Variants in LRRC7 observed in about 807,000 individuals in gnomAD.
LRRC7 encodes the protein leucine-rich repeat-containing protein 7.
A neutral mutation model predicts 175.7 loss-of-function variants in LRRC7; 23 were observed. The observed-to-expected ratio is 0.13, with a 90% CI of 0.09 to 0.19. LRRC7 has a LOEUF of 0.19. Among genes scored for constraint, LRRC7 ranks in the 10% least tolerant of loss-of-function variants. The pLI, the probability that LRRC7 is intolerant of heterozygous loss-of-function variation, is 1.00. For synonymous variants in LRRC7, 685 were observed against 680.9 expected, an observed-to-expected ratio of 1.01 and a Z score of -0.09; for missense variants, 1,354 against 1,904.7, an observed-to-expected ratio of 0.71 and a Z score of 5.38.
chr1:70,084,898 T>C (rs1344548458), intron 24 of LRRC7, among the ~76,000 whole-genome samples: 1 of 152,174 alleles, frequency 6.6e-6, no homozygotes, highest in Non-Finnish European at 1.5e-5. Context: ...TAATGACTAA[T>C]GATATTGAGT....
chr1:69,642,090 T>C (rs1654299392), intron 1 of LRRC7, among the ~76,000 whole-genome samples: 1 of 151,936 alleles, frequency 6.6e-6, no homozygotes, highest in African/African-American at 2.4e-5. Flanking sequence ...TTTTTGTAAT[T>C]TGAAAACCTT....
chr1:69,691,786 A>G, intron 2 of LRRC7, among the ~76,000 whole-genome samples: 1 of 126,650 alleles, frequency 7.9e-6, no homozygotes, highest in East Asian at 2.6e-4. Flanking sequence ...CAAAAGAGGG[A>G]GACCCTGTCT....
Position 70,132,981 on chromosome 1 carries a change from A to G in LRRC7, c.*11094A>G, listed in dbSNP as rs984815983. ...TTTCCCTCTGTAACCCACCCTTATA[A>G]AGCAACAAATTGTGTTTCATCTCAA... is the stretch of plus-strand genomic sequence containing the variant. On this transcript the variant is annotated 3_prime_UTR_variant, in exon 27 of 27. Transcript: ENST00000651989. 1.3e-5 allele frequency among the ~76,000 whole-genome samples: 2 copies of G among 152,206 alleles called. No individual in the cohort carries two copies. The highest frequency in any genetic ancestry group is 1.3e-4 in the Admixed American group (2 of 15,294).
At chr1:69,600,137 A>G (rs538707365) in intron 1 of LRRC7, among the ~76,000 whole-genome samples, 2 of 152,326 alleles carry the variant, frequency 1.3e-5, no homozygotes, top group East Asian at 3.9e-4. Context: ...CAAAGATATT[A>G]CAGGGTGTTC....
chr1:69,646,538 A>G (rs1040011665), intron 1 of LRRC7, among the ~76,000 whole-genome samples: 1 of 152,156 alleles, frequency 6.6e-6, no homozygotes, highest in Non-Finnish European at 1.5e-5. Flanking sequence ...GAAAGTCAAC[A>G]CTTCCTAATC....
In LRRC7 at chr1:70,130,848, G is replaced by T. The variant is rs1468486646; in HGVS notation, c.*8961G>T. ...ACGGAAGTGTAGTTGAGAGAAAGGG[G>T]TCTCCACCTACCTATTTAGCTCTAA... is the stretch of plus-strand genomic sequence containing the variant. On this transcript the variant is annotated 3_prime_UTR_variant, in exon 27 of 27. Coordinates refer to ENST00000651989, the MANE Select transcript of LRRC7 (RefSeq NM_001370785.2). 1.3e-5 allele frequency among the ~76,000 whole-genome samples: 2 copies of T among 152,122 alleles called. No individual in the cohort carries two copies. Among genetic ancestry groups the T allele is most frequent in the East Asian group, 3.9e-4 (2 of 5,180 alleles).
At chr1:69,709,344 G>A (rs1235158649) in intron 2 of LRRC7, among the ~76,000 whole-genome samples, 2 of 152,150 alleles carry the variant, frequency 1.3e-5, no homozygotes, top group Non-Finnish European at 2.9e-5. Context: ...GTCAGGCCTA[G>A]AAATATTTTT....
chr1:69,730,209 T>C lies in LRRC7; in HGVS notation c.101-29982T>C, dbSNP rs188471109. On this transcript the variant is annotated intron_variant, in intron 2 of 26. Transcript: ENST00000651989. Reference sequence around the variant, plus strand: ...CTGCCATGAGGGTCTCTGACATCCCTGGAGACATTTTCCCCATTGTCTTGG... The same window carrying C: ...CTGCCATGAGGGTCTCTGACATCCCCGGAGACATTTTCCCCATTGTCTTGG... Among the ~76,000 whole-genome samples the C allele has an allele frequency of 6.0e-4, 92 of 152,328 alleles. 2 individuals are homozygous for C. The East Asian group carries it at 0.016, about 27-fold the overall frequency.
intron 7 of LRRC7, among the ~76,000 whole-genome samples, chr1:69,855,406 G>T (rs1398052574): frequency 6.6e-6 from 1 of 152,126 alleles, no homozygotes; most frequent in African/African-American, 2.4e-5. Context: ...TCAGGAGCAG[G>T]TTGTTCAGTT....
intron 3 of LRRC7, among the ~76,000 whole-genome samples, chr1:69,774,144 C>T (rs963060409): frequency 6.6e-6 from 1 of 152,076 alleles, no homozygotes; most frequent in Non-Finnish European, 1.5e-5. Context: ...GGGCCCAGTT[C>T]AGAAGAGCAA....
chr1:70,014,267 T>C (rs1459094418), intron 13 of LRRC7: 1 of 152,022 alleles, frequency 6.6e-6, no homozygotes, highest in Non-Finnish European at 1.5e-5. Flanking sequence ...ATGAAAATAA[T>C]TCATTCATCG....
At chr1:69,788,070 A>G (rs1482712648) in intron 3 of LRRC7, among the ~76,000 whole-genome samples, 2 of 151,904 alleles carry the variant, frequency 1.3e-5, no homozygotes, top group Non-Finnish European at 1.5e-5. Context: ...TCCCCTGCTA[A>G]ATCCCTTTGC....
At chr1:69,742,107 A>G (rs1668776705) in intron 2 of LRRC7, among the ~76,000 whole-genome samples, 1 of 152,060 alleles carries the variant, frequency 6.6e-6, no homozygotes, top group Non-Finnish European at 1.5e-5. Context: ...AACTCAAAAG[A>G]AAAACAGCCT....
intron 7 of LRRC7, among the ~76,000 whole-genome samples, chr1:69,891,882 C>A (rs890887331): frequency 2.0e-5 from 3 of 152,046 alleles, no homozygotes; most frequent in Admixed American, 6.6e-5. Flanking sequence ...CACAGGGTTG[C>A]CACAAACCTT....
At chr1:70,030,400 A>G (rs1658586652) in intron 18 of LRRC7, among the ~76,000 whole-genome samples, 1 of 152,124 alleles carries the variant, frequency 6.6e-6, no homozygotes, top group African/African-American at 2.4e-5. Flanking sequence ...TAAAATTGAG[A>G]TTCTAGATCT....
chr1:69,787,800 C>T (rs1222540922), intron 3 of LRRC7, among the ~76,000 whole-genome samples: 1 of 152,088 alleles, frequency 6.6e-6, no homozygotes, highest in African/African-American at 2.4e-5. Flanking sequence ...AAAGACTTGC[C>T]CCCATGATTC....
At chr1:70,033,978 G>A (rs1217182063) in intron 18 of LRRC7, among the ~76,000 whole-genome samples, 1 of 151,998 alleles carries the variant, frequency 6.6e-6, no homozygotes, top group Non-Finnish European at 1.5e-5. Context: ...GTACTAGACA[G>A]GAATTGGCAC....
At position 69,568,535 on chromosome 1, in the gene LRRC7, C is replaced by A. The variant is rs1570205692; in HGVS notation, c.-105C>A. 1 of 1,131,612 alleles carries A rather than the reference C, an allele frequency of 8.8e-7. No individual in the cohort carries two copies. The highest frequency in any genetic ancestry group is 1.2e-6 in the Non-Finnish European group (1 of 838,490). The allele number at this position is 1,131,612 out of a possible 1,614,324, so 70.1% of individuals were successfully genotyped here. A position where few individuals can be genotyped will look rare whatever the true frequency, so the allele number is the denominator to read the frequency against. The stretch of plus-strand genomic sequence containing the variant: ...TTCCCTCCTCTTCTCCTCCGAAGAC[C>A]CTGGCGCCCACTCCACTGCGGACCC... On this transcript the variant is annotated 5_prime_UTR_variant, in exon 1 of 27. Coordinates refer to ENST00000651989, the MANE Select transcript of LRRC7 (RefSeq NM_001370785.2).
chr1:69,881,555 T>G (rs1686601208), intron 7 of LRRC7, among the ~76,000 whole-genome samples: 1 of 150,850 alleles, frequency 6.6e-6, no homozygotes, highest in South Asian at 2.1e-4. Context: ...AACAAAAAGG[T>G]TTTTACACAG....
Sources: allele counts gnomAD v4.1 joint callset (sites outside exome capture counted in the v4.1 genomes callset), GRCh38; gene constraint gnomAD v4.1.1; transcripts MANE v1.5; gene names NCBI Gene and HGNC (gene_info 2026-07-23, HGNC 2026-07-21).